Variants in HADH observed in about 807,000 individuals in gnomAD.
The protein encoded by HADH is hydroxyacyl-coenzyme A dehydrogenase, mitochondrial.
HADH carries 24 observed loss-of-function variants against 32.2 expected under a neutral mutation model. That is an observed-to-expected ratio of 0.75 (90% CI 0.54 to 1.05). The LOEUF (loss-of-function observed/expected upper bound fraction) is 1.05. HADH is among the 50% of genes least tolerant of loss of function. HADH has a pLI of 0.00. For missense variants in HADH, 350 were observed against 397.1 expected (o/e 0.88, Z 1.01); for synonymous variants, 139 against 152.5 (o/e 0.91, Z 0.65).
chr4:108,034,063 A>AT (rs1233142271), intron 7 of HADH, among the ~76,000 whole-genome samples, 176 bp from the exon 8 acceptor site: 1 of 152,224 alleles, frequency 6.6e-6, no homozygotes, highest in Non-Finnish European at 1.5e-5. Context: ...TTTGGGGCTG[A>AT]TGTGGCTGCA....
chr4:107,996,370 C>T (rs1478673633), intron 1 of HADH, among the ~76,000 whole-genome samples: 1 of 152,142 alleles, frequency 6.6e-6, no homozygotes, highest in Non-Finnish European at 1.5e-5. Context: ...ATGCTGTTGA[C>T]ATGTCTGGTT....
chr4:108,019,450 A>T, intron 3 of HADH, 90 bp from the exon 4 acceptor site: 1 of 1,133,920 alleles, frequency 8.8e-7, no homozygotes, highest in Non-Finnish European at 1.3e-6. Flanking sequence ...TGTGGCAGTA[A>T]GCAGTCACCT....
rs370169899 is a variant in HADH at position 108,034,360 on chromosome 4, T to C, written c.*3T>C. 1 of 1,534,580 alleles carries C rather than the reference T, an allele frequency of 6.5e-7. No homozygotes were observed. The highest frequency in any genetic ancestry group is 1.4e-5 in the African/African-American group (1 of 73,348). On this transcript the variant is annotated 3_prime_UTR_variant, in exon 8 of 8. Coordinates refer to ENST00000309522, the MANE Select transcript of HADH (RefSeq NM_005327.7). ...AAGGATTTTACAAATACAAGTGATG[T>C]GCAGCTTCTCCGGCTCTGAGAAGAA...
At chr4:108,022,509 C>T (rs528530668) in intron 4 of HADH, among the ~76,000 whole-genome samples, 81 of 152,092 alleles carry the variant, frequency 5.3e-4, no homozygotes, top group Non-Finnish European at 1.1e-3. Flanking sequence ...TGAGTCTGTT[C>T]TGAAGCCAAG....
intron 1 of HADH, among the ~76,000 whole-genome samples, chr4:107,992,965 A>C (rs539344235): frequency 1.1e-4 from 17 of 152,138 alleles, no homozygotes; most frequent in Admixed American, 4.6e-4. Flanking sequence ...AAATACAAAA[A>C]AATTAGCCAG....
At chr4:108,007,688 C>T (rs948108126) in intron 1 of HADH, among the ~76,000 whole-genome samples, 7 of 152,182 alleles carry the variant, frequency 4.6e-5, no homozygotes, top group Admixed American at 6.5e-5. Flanking sequence ...TTTAGACTAA[C>T]GCACCAGTAG....
At chr4:108,005,816 G>A (rs1735276526) in intron 1 of HADH, among the ~76,000 whole-genome samples, 2 of 152,186 alleles carry the variant, frequency 1.3e-5, no homozygotes, top group Admixed American at 1.3e-4. Context: ...TCTGGTTTCA[G>A]TTGGTTGTGG....
intron 1 of HADH, among the ~76,000 whole-genome samples, chr4:108,003,009 A>G (rs1398234201): frequency 6.6e-6 from 1 of 152,004 alleles, no homozygotes; most frequent in Non-Finnish European, 1.5e-5. Context: ...TACCTTTGTT[A>G]CTAACCTTTA....
intron 1 of HADH, chr4:108,004,786 G>A (rs1341616771): frequency 1.3e-6 from 2 of 1,535,766 alleles, no homozygotes; most frequent in African/African-American, 1.4e-5. Flanking sequence ...GTGTAGGACA[G>A]CCTTAGGAGT....
intron 3 of HADH, among the ~76,000 whole-genome samples, chr4:108,018,762 T>G (rs1376839914): frequency 6.6e-6 from 1 of 152,172 alleles, no homozygotes; most frequent in Non-Finnish European, 1.5e-5. Flanking sequence ...TTTGTATGTT[T>G]TTATCCGCAA....
intron 3 of HADH, 23 bp from the exon 4 acceptor site, chr4:108,019,516 TC>T: frequency 6.2e-7 from 1 of 1,608,482 alleles, no homozygotes; most frequent in Non-Finnish European, 8.5e-7. Flanking sequence ...ACTCTGATAC[TC>T]CCACTATATT....
At position 108,027,693 on chromosome 4, in the gene HADH, T is replaced by C; in HGVS notation, c.642T>C (p.Thr214=). The C allele has an allele frequency of 1.2e-6, 2 of 1,602,380 alleles. No individual in the cohort carries two copies. Among genetic ancestry groups the C allele is most frequent in the Admixed American group, 1.7e-5 (1 of 60,016 alleles). ...TTTTCTGTCTCCCAAAACAGGACAC[T>C]CCTGGGTTTATTGTGAACCGCCTCC... ...LGKHPVSCKD[T]PGFIVNRLLV... The change falls in exon 6 of 8, where the codon ACT becomes ACC. Residue 214 remains threonine (T), a synonymous_variant. Coordinates refer to ENST00000309522, the MANE Select transcript of HADH (RefSeq NM_005327.7).
chr4:108,003,918 G>C (rs1011954073), intron 1 of HADH, among the ~76,000 whole-genome samples: 1 of 152,080 alleles, frequency 6.6e-6, no homozygotes, highest in Non-Finnish European at 1.5e-5. Context: ...CAACAACCCT[G>C]TTGCCCCTGT....
intron 1 of HADH, chr4:108,004,899 G>A (rs889957234): frequency 9.5e-5 from 146 of 1,535,562 alleles, no homozygotes; most frequent in Non-Finnish European, 1.2e-4. Flanking sequence ...AGCCCAGCTG[G>A]GAGGCTATTG....
rs747476251 is a variant in HADH, at chr4:108,027,747, G to T, written c.696G>T (p.Arg232Ser). ...LLVPYLMEAI[R>S]LYERGDASKE... The stretch of plus-strand genomic sequence containing the variant: ...TTCCATACCTCATGGAAGCAATCAG[G>T]CTGTATGAACGAGGTATCCTTCTGA... The change falls in exon 6 of 8, where the codon AGG becomes AGT. Residue 232 changes from arginine to serine, a missense_variant. Arg to Ser is a moderately radical substitution (Grantham distance 110). Transcript: ENST00000309522. The T allele has an allele frequency of 1.2e-6, 2 of 1,600,878 alleles. No homozygotes were observed. The highest frequency in any genetic ancestry group is 2.2e-5 in the South Asian group (2 of 90,820).
At chr4:108,020,269 A>G (rs1236110728) in intron 4 of HADH, among the ~76,000 whole-genome samples, 1 of 152,186 alleles carries the variant, frequency 6.6e-6, no homozygotes, top group Non-Finnish European at 1.5e-5. Flanking sequence ...CCAGGGGTTC[A>G]AGAACAGCCT....
At position 108,034,521 on chromosome 4, in the gene HADH, C is replaced by A. The variant is rs1262778804; in HGVS notation, c.*164C>A. 2.9e-6 allele frequency: 2 copies of A among 682,122 alleles called. No individual in the cohort carries two copies. Among genetic ancestry groups the A allele is most frequent in the Non-Finnish European group, 5.5e-6 (2 of 365,312 alleles). The allele number at this position is 682,122 out of a possible 1,614,324, so 42.3% of individuals were successfully genotyped here. A position where few individuals can be genotyped will look rare whatever the true frequency, so the allele number is the denominator to read the frequency against. ...ATCGAAGTGATTATTACACCAGTTA[C>A]AGCAGTAATAGATTCTCCATTAAGA... On this transcript the variant is annotated 3_prime_UTR_variant, in exon 8 of 8. Transcript: ENST00000309522.
chr4:108,020,109 A>G (rs1735833624), intron 4 of HADH, among the ~76,000 whole-genome samples: 2 of 152,192 alleles, frequency 1.3e-5, no homozygotes, highest in Non-Finnish European at 2.9e-5. Flanking sequence ...TTCTGACCCC[A>G]TGTAATGGTG....
chr4:108,013,809 T>C (rs1735588568), intron 2 of HADH, among the ~76,000 whole-genome samples: 1 of 152,194 alleles, frequency 6.6e-6, no homozygotes, highest in Non-Finnish European at 1.5e-5. Flanking sequence ...ATAACATTAA[T>C]TTCACCTGCG....
Sources: allele counts gnomAD v4.1 joint callset (sites outside exome capture counted in the v4.1 genomes callset), GRCh38; gene constraint gnomAD v4.1.1; transcripts MANE v1.5; gene names NCBI Gene and HGNC (gene_info 2026-07-23, HGNC 2026-07-21).